The following KSR2 variants were observed in gnomAD, a reference collection of about 807,000 sequenced individuals.
KSR2 encodes kinase suppressor of ras 2.
In KSR2, 25 loss-of-function variants were observed where a neutral mutation model predicts 107.8. The observed-to-expected ratio is 0.23, with a 90% confidence interval of 0.17 to 0.32. The LOEUF is 0.32. Ranked by LOEUF, KSR2 falls within the 10% of genes least tolerant of loss-of-function variation. The probability of loss-of-function intolerance (pLI) is 1.00; values close to 1 mark genes in which losing one functional copy is unlikely to be tolerated. For missense variants in KSR2, 887 were observed against 1,268.9 expected (o/e 0.70, Z 4.57); for synonymous variants, 480 against 507.0 (o/e 0.95, Z 0.71).
chr12:117,882,537 C>T (rs773977502), intron 1 of KSR2, among the ~76,000 whole-genome samples: 4 of 151,704 alleles, frequency 2.6e-5, no homozygotes, highest in African/African-American at 4.8e-5. Flanking sequence ...AACCATACAC[C>T]CATACATCTA....
intron 3 of KSR2, among the ~76,000 whole-genome samples, chr12:117,796,632 C>T (rs1214656542): frequency 6.6e-6 from 1 of 152,166 alleles, no homozygotes; most frequent in South Asian, 2.1e-4. Flanking sequence ...TTGATTTCCC[C>T]AAGGCTCAGT....
rs192456892 is a variant in KSR2, at chr12:117,628,016, G to A, written c.1171+39458C>T. Among the ~76,000 whole-genome samples the A allele has an allele frequency of 5.3e-3, 801 of 151,960 alleles. 1 individual carries two copies. Among genetic ancestry groups the A allele is most frequent in the Non-Finnish European group, 0.01 (690 of 67,976 alleles). On this transcript the variant is annotated intron_variant, in intron 5 of 19. Transcript: ENST00000339824. ...ATCAGCTATTGAAGTTTGTGCACGC[G>A]TCACGAAGTTCTCGTGCCATGGTTT... is the stretch of plus-strand genomic sequence containing the variant.
rs559764028 is a variant in KSR2, at chr12:117,781,538, T to C, written c.473-20014A>G. On this transcript the variant is annotated intron_variant, in intron 3 of 19. Coordinates refer to ENST00000339824, the MANE Select transcript of KSR2 (RefSeq NM_173598.6). ...AGGATTTATCCAGAGGACAGTGCCA[T>C]GTGCAATGTCATGGCACCAATGATC... 1.4e-4 allele frequency among the ~76,000 whole-genome samples: 22 copies of C among 152,300 alleles called. No homozygotes were observed. The East Asian group carries it at 4.1e-3, about 28-fold the overall frequency.
At chr12:117,648,177 T>C (rs1412390712) in intron 5 of KSR2, among the ~76,000 whole-genome samples, 1 of 152,212 alleles carries the variant, frequency 6.6e-6, no homozygotes, top group Non-Finnish European at 1.5e-5. Context: ...TTTAAAAATT[T>C]TGAGATTACC....
rs1214677602 is a variant in KSR2, at chr12:117,968,764, C to T, written c.-509G>A. ...TTATGTCAAAAAAAATCTGGTTTTC[C>T]CCCCTCCCAGTTGCAGGGACACGGC... On this transcript the variant is annotated 5_prime_UTR_variant, in exon 1 of 20. Transcript: ENST00000339824. The T allele has an allele frequency of 1.3e-5, 2 of 156,034 alleles. No homozygotes were observed. Among genetic ancestry groups the T allele is most frequent in the Non-Finnish European group, 2.8e-5 (2 of 70,300 alleles). The allele number at this position is 156,034 out of a possible 1,614,324, so 9.7% of individuals were successfully genotyped here.
rs1280019798 is a variant in KSR2, at chr12:117,460,062, T to C, written c.*7137A>G. ...TGCAATCAAGAAATTAGTTTCATTT[T>C]ACCTAAGCATTTCCAATGCATGCTT... On this transcript the variant is annotated 3_prime_UTR_variant, in exon 20 of 20. Coordinates refer to ENST00000339824, the MANE Select transcript of KSR2 (RefSeq NM_173598.6). 6.6e-6 allele frequency: 1 copy of C among 152,280 alleles called. No homozygotes were observed. Among genetic ancestry groups the C allele is most frequent in the Non-Finnish European group, 1.5e-5 (1 of 68,054 alleles). 9.4% of individuals were successfully genotyped at this position (152,280 alleles called of 1,614,324 possible). A position where few individuals can be genotyped will look rare whatever the true frequency, so the allele number is the denominator to read the frequency against.
In KSR2 at chr12:117,692,252, G is replaced by A. The variant is rs563131605; in HGVS notation, c.987-24594C>T. ...AAGGAAATGAAAATTAAAACCAGAA[G>A]GAGATACCACTTCACAACCGCTAGG... On this transcript the variant is annotated intron_variant, in intron 4 of 19. Coordinates refer to ENST00000339824, the MANE Select transcript of KSR2 (RefSeq NM_173598.6). Among the ~76,000 whole-genome samples the A allele has an allele frequency of 2.6e-5, 4 of 151,788 alleles. No homozygotes were observed. In the East Asian group the frequency reaches 7.7e-4, roughly 29 times the overall value.
chr12:117,932,741 A>G (rs140929685), intron 1 of KSR2, among the ~76,000 whole-genome samples: 8,087 of 152,144 alleles, frequency 0.053, 421 homozygotes, highest in African/African-American at 0.14. Flanking sequence ...GGCCGGGTGC[A>G]GTGGCTCACG....
intron 3 of KSR2, among the ~76,000 whole-genome samples, chr12:117,775,984 A>C (rs948104995): frequency 6.6e-6 from 1 of 152,194 alleles, no homozygotes; most frequent in Admixed American, 6.5e-5. Flanking sequence ...AATTGGGTTC[A>C]GTGTATACTG....
chr12:117,712,094 G>A (rs1322358464), intron 4 of KSR2, among the ~76,000 whole-genome samples: 1 of 152,208 alleles, frequency 6.6e-6, no homozygotes, highest in African/African-American at 2.4e-5. Flanking sequence ...GCTCATGCAT[G>A]TCTCACTCCC....
At chr12:117,676,193 T>C (rs115584553) in intron 4 of KSR2, among the ~76,000 whole-genome samples, 4,804 of 152,268 alleles carry the variant, frequency 0.032, 240 homozygotes, top group African/African-American at 0.11. Flanking sequence ...ATTGAGAATC[T>C]GCTCTGTTAT....
chr12:117,526,342 G>A (rs986667765), intron 13 of KSR2, among the ~76,000 whole-genome samples: 2 of 152,208 alleles, frequency 1.3e-5, no homozygotes, highest in Non-Finnish European at 2.9e-5. Flanking sequence ...GGAGCAGCAG[G>A]TGGCCAGGGC....
At chr12:117,809,686 T>TC (rs1479902958) in intron 3 of KSR2, among the ~76,000 whole-genome samples, 1 of 152,192 alleles carries the variant, frequency 6.6e-6, no homozygotes, top group Non-Finnish European at 1.5e-5. Context: ...GCTGGCTGTC[T>TC]CCCCAGCTTG....
chr12:117,604,050 A>G (rs751253765), intron 5 of KSR2, among the ~76,000 whole-genome samples: 25 of 152,130 alleles, frequency 1.6e-4, no homozygotes, highest in Non-Finnish European at 3.2e-4. Flanking sequence ...TGCTTCACTT[A>G]TTGACATCAG....
chr12:117,671,408 T>G (rs572671384), intron 4 of KSR2, among the ~76,000 whole-genome samples: 2 of 152,206 alleles, frequency 1.3e-5, no homozygotes, highest in Non-Finnish European at 2.9e-5. Context: ...TTCCTATTTT[T>G]TCAGATTTGC....
intron 1 of KSR2, among the ~76,000 whole-genome samples, chr12:117,967,468 G>T (rs980474024): frequency 5.3e-5 from 8 of 151,990 alleles, no homozygotes; most frequent in African/African-American, 1.9e-4. Context: ...GATTGGAAAT[G>T]GGTAGTTCCA....
At chr12:117,754,275 C>T (rs533005292) in intron 4 of KSR2, among the ~76,000 whole-genome samples, 1 of 152,100 alleles carries the variant, frequency 6.6e-6, no homozygotes, top group Admixed American at 6.5e-5. Flanking sequence ...GGAGGAAAAC[C>T]CAAACAGATC....
At chr12:117,709,847 C>G (rs975594662) in intron 4 of KSR2, among the ~76,000 whole-genome samples, 1 of 152,210 alleles carries the variant, frequency 6.6e-6, no homozygotes, top group African/African-American at 2.4e-5. Flanking sequence ...CCCCAAGTGA[C>G]AACCAAAATG....
rs1034700727 is a variant in KSR2 at position 117,700,871 on chromosome 12, T to TA, written c.987-33214dup. Among the ~76,000 whole-genome samples, 13 of 152,304 alleles carry TA rather than the reference T, an allele frequency of 8.5e-5. 2 individuals are homozygous for TA. The highest frequency in any genetic ancestry group is 8.3e-4 in the South Asian group (4 of 4,828). ...TGCTACCATGCAGGGCAACACCGAATAAATGATTCCAGATGGTAAAAAGGA... is the reference window on the plus strand; with the variant it reads ...TGCTACCATGCAGGGCAACACCGAATAAAATGATTCCAGATGGTAAAAAGGA... On this transcript the variant is annotated intron_variant, in intron 4 of 19. Coordinates refer to ENST00000339824, the MANE Select transcript of KSR2 (RefSeq NM_173598.6).
Sources: gnomAD v4.1 joint callset for allele counts (sites outside exome capture counted in the v4.1 genomes callset) on GRCh38, gnomAD v4.1.1 for gene constraint, MANE v1.5 for transcripts, NCBI Gene and HGNC (gene_info 2026-07-23, HGNC 2026-07-21) for gene names.